The following CTNNA2 variants were observed in gnomAD, a reference collection of about 807,000 sequenced individuals.
The protein encoded by CTNNA2 is catenin alpha 2.
A neutral mutation model predicts 101.0 loss-of-function variants in CTNNA2; 42 were observed. The observed-to-expected ratio is 0.42, with a 90% CI of 0.32 to 0.54. The LOEUF is 0.54. CTNNA2 is among the 20% of genes least tolerant of loss of function. CTNNA2 has a pLI of 0.14. For synonymous variants in CTNNA2, 450 were observed against 456.4 expected (o/e 0.99, Z 0.18); for missense variants, 871 against 1,223.1 (o/e 0.71, Z 4.29).
intron 9 of CTNNA2, among the ~76,000 whole-genome samples, chr2:80,481,466 A>G (rs1024103081): frequency 6.6e-6 from 1 of 152,152 alleles, no homozygotes; most frequent in African/African-American, 2.4e-5. Context: ...GGCTTAATAC[A>G]TGACAGGTAT....
rs895918355 is a variant in CTNNA2, at chr2:79,800,571, T to C, written c.298+55989T>C. Among the ~76,000 whole-genome samples, 17 of 152,072 alleles carry C rather than the reference T, an allele frequency of 1.1e-4. No individual in the cohort carries two copies. In the East Asian group the frequency reaches 3.3e-3, roughly 29 times the overall value. The stretch of plus-strand genomic sequence containing the variant: ...GTCTTGTGGAAGATGACCGGTGTCT[T>C]GGGGAGTTTAGAGGAGCCCACCAGC... On this transcript the variant is annotated intron_variant, in intron 3 of 18. Coordinates refer to ENST00000402739, the MANE Select transcript of CTNNA2 (RefSeq NM_001282597.3).
Position 79,413,178 on chromosome 2 carries a change from C to T in CTNNA2, c.-135+39165C>T, listed in dbSNP as rs1226183942. Reference sequence around the variant, plus strand: ...GTCATTTGCTTTTTTGCAGGGGTGGCTGGGGAGGGGGTGGTTCTGGGAAAA... The same window carrying T: ...GTCATTTGCTTTTTTGCAGGGGTGGTTGGGGAGGGGGTGGTTCTGGGAAAA... On this transcript the variant is annotated intron_variant, in intron 4 of 21. Coordinates refer to the CTNNA2 transcript ENST00000466387. Among the ~76,000 whole-genome samples the T allele has an allele frequency of 2.0e-5, 3 of 151,844 alleles. No individual in the cohort carries two copies. The East Asian group carries it at 5.8e-4, about 30-fold the overall frequency.
intron 2 of CTNNA2, among the ~76,000 whole-genome samples, chr2:79,246,980 G>GT (rs1462988466): frequency 1.3e-5 from 2 of 152,164 alleles, no homozygotes; most frequent in African/African-American, 4.8e-5. Flanking sequence ...ATGGCCTTTG[G>GT]TTTGCATCAT....
In CTNNA2 at chr2:80,565,270, T is replaced by C. The variant is rs185121750; in HGVS notation, c.1742-8893T>C. On this transcript the variant is annotated intron_variant, in intron 12 of 18. Coordinates refer to ENST00000402739, the MANE Select transcript of CTNNA2 (RefSeq NM_001282597.3). ...TCATAATGGAACACCATGTTTAACA[T>C]TGGCCTTCTTGGCAAGCAAGATAAA... Among the ~76,000 whole-genome samples the C allele has an allele frequency of 1.5e-3, 222 of 152,258 alleles. 1 individual carries two copies. Among genetic ancestry groups the C allele is most frequent in the Admixed American group, 3.3e-3 (50 of 15,274 alleles).
At chr2:80,073,367 G>T (rs749511023) in intron 7 of CTNNA2, among the ~76,000 whole-genome samples, 1 of 152,168 alleles carries the variant, frequency 6.6e-6, no homozygotes, top group Admixed American at 6.5e-5. Flanking sequence ...AAAAAGGGCA[G>T]AGATCATCAG....
At chr2:79,227,240 A>G (rs1674428290) in intron 2 of CTNNA2, among the ~76,000 whole-genome samples, 1 of 152,140 alleles carries the variant, frequency 6.6e-6, no homozygotes, top group Admixed American at 6.6e-5. Flanking sequence ...ACGAGTTTTA[A>G]TCTGGGCATG....
Position 79,974,636 on chromosome 2 carries a change from A to C in CTNNA2, c.1056+64839A>C, listed in dbSNP as rs191132392. 4.6e-5 allele frequency among the ~76,000 whole-genome samples: 7 copies of C among 152,180 alleles called. 1 individual carries two copies. In the East Asian group the frequency reaches 1.4e-3, roughly 29 times the overall value. ...CTAATATTATTTGATTCACATTCAT[A>C]TATATTTTTAGAGCAGATATAGGTT... On this transcript the variant is annotated intron_variant, in intron 7 of 18. Coordinates refer to ENST00000402739, the MANE Select transcript of CTNNA2 (RefSeq NM_001282597.3).
intron 9 of CTNNA2, among the ~76,000 whole-genome samples, chr2:80,447,345 T>G (rs1683155704): frequency 1.3e-5 from 2 of 152,160 alleles, no homozygotes; most frequent in African/African-American, 2.4e-5. Flanking sequence ...AGCAAGAATA[T>G]CACTTGTTTT....
chr2:79,505,651 C>T (rs1278611404), intron 5 of CTNNA2, among the ~76,000 whole-genome samples: 3 of 152,130 alleles, frequency 2.0e-5, no homozygotes, highest in East Asian at 1.9e-4. Flanking sequence ...TAGACAAGGT[C>T]GGCTCCTGGA....
chr2:79,991,189 C>A (rs552052233), intron 7 of CTNNA2, among the ~76,000 whole-genome samples: 2 of 151,914 alleles, frequency 1.3e-5, no homozygotes, highest in East Asian at 3.9e-4. Context: ...GTCTTGCTAG[C>A]GGTCTATAAA....
chr2:79,585,191 T>C (rs1676403223), intron 1 of CTNNA2, among the ~76,000 whole-genome samples: 1 of 151,992 alleles, frequency 6.6e-6, no homozygotes, highest in South Asian at 2.1e-4. Context: ...AATTTTTCTT[T>C]TCTGTATGTT....
intron 7 of CTNNA2, among the ~76,000 whole-genome samples, chr2:79,942,779 A>C (rs1688243344): frequency 1.3e-5 from 2 of 152,134 alleles, no homozygotes; most frequent in Non-Finnish European, 2.9e-5. Context: ...GTTCTACAAA[A>C]ATTTTCCTGC....
intron 3 of CTNNA2, among the ~76,000 whole-genome samples, 180 bp downstream of exon 3, chr2:79,744,762 C>T (rs1355497770): frequency 6.6e-6 from 1 of 152,050 alleles, no homozygotes; most frequent in Non-Finnish European, 1.5e-5. Context: ...TTCATTGTTG[C>T]AGTATGGTAC....
At chr2:79,948,165 C>T (rs2974135) in intron 7 of CTNNA2, among the ~76,000 whole-genome samples, 44,056 of 152,084 alleles carry the variant, frequency 0.29, 7,002 homozygotes, top group African/African-American at 0.41. Flanking sequence ...GTTTCTTCAA[C>T]AAGAGAGTGA....
chr2:79,432,261 A>G (rs1157361494), intron 4 of CTNNA2, among the ~76,000 whole-genome samples: 1 of 152,180 alleles, frequency 6.6e-6, no homozygotes, highest in Non-Finnish European at 1.5e-5. Flanking sequence ...TACAGTATGT[A>G]TGGTTATCAT....
chr2:79,657,544 A>T (rs1167122303), intron 2 of CTNNA2, among the ~76,000 whole-genome samples: 3 of 151,866 alleles, frequency 2.0e-5, no homozygotes, highest in Non-Finnish European at 4.4e-5. Flanking sequence ...TTCCAACCAT[A>T]GAAAAATATA....
chr2:79,981,006 G>A (rs1434777543), intron 7 of CTNNA2, among the ~76,000 whole-genome samples: 1 of 151,882 alleles, frequency 6.6e-6, no homozygotes, highest in African/African-American at 2.4e-5. Flanking sequence ...GCTTTGCTTG[G>A]TATTAGAATT....
At chr2:80,198,765 T>C (rs1023734032) in intron 7 of CTNNA2, among the ~76,000 whole-genome samples, 1 of 152,222 alleles carries the variant, frequency 6.6e-6, no homozygotes, top group African/African-American at 2.4e-5. Flanking sequence ...TTGACTATAT[T>C]CATGAGGCTT....
rs148433332 is a variant in CTNNA2, at chr2:80,482,845, C to T, written c.1291-62137C>T. Reference sequence around the variant, plus strand: ...CCTCCACAGCAACAATAGTTGTGCCCGCTTCAGAACAAGAACTTGCTTTCT... The same window carrying T: ...CCTCCACAGCAACAATAGTTGTGCCTGCTTCAGAACAAGAACTTGCTTTCT... On this transcript the variant is annotated intron_variant, in intron 9 of 18. Coordinates refer to ENST00000402739, the MANE Select transcript of CTNNA2 (RefSeq NM_001282597.3). Among the ~76,000 whole-genome samples the T allele has an allele frequency of 1.5e-3, 224 of 152,224 alleles. 1 individual carries two copies. Among genetic ancestry groups the T allele is most frequent in the African/African-American group, 4.9e-3 (204 of 41,558 alleles).
Sources: gnomAD v4.1 joint callset for allele counts (sites outside exome capture counted in the v4.1 genomes callset) on GRCh38, gnomAD v4.1.1 for gene constraint, MANE v1.5 for transcripts, NCBI Gene and HGNC (gene_info 2026-07-23, HGNC 2026-07-21) for gene names.